SLC24A2: variants seen among roughly 807,000 people sequenced by gnomAD.
SLC24A2 encodes the protein sodium/potassium/calcium exchanger 2.
In SLC24A2, 36 loss-of-function variants were observed where a neutral mutation model predicts 62.0. That is an observed-to-expected ratio of 0.58 (90% CI 0.44 to 0.77). SLC24A2 has a LOEUF of 0.77. Ranked by LOEUF, SLC24A2 falls within the 30% of genes least tolerant of loss-of-function variation. The probability of loss-of-function intolerance (pLI) is 0.00; values close to 1 mark genes in which losing one functional copy is unlikely to be tolerated. For missense variants in SLC24A2, 846 were observed against 817.9 expected (o/e 1.03, Z -0.42); for synonymous variants, 358 against 294.0 (o/e 1.22, Z -2.23).
chr9:20,072,780 A>G, the SLC24A2 span, among the ~76,000 whole-genome samples: 178 of 152,222 alleles, frequency 1.2e-3, 2 homozygotes, highest in East Asian at 0.017. Context: ...AAGCCAAGGA[A>G]TACAAGAAGC....
At chr9:20,257,841 G>A in the SLC24A2 span, among the ~76,000 whole-genome samples, 1,522 of 152,262 alleles carry the variant, frequency 1.0e-2, 22 homozygotes, top group African/African-American at 0.033. Context: ...TCTAAAACGA[G>A]TGGGCTCACT....
intron 2 of SLC24A2, among the ~76,000 whole-genome samples, chr9:19,770,313 C>A (rs549049826): frequency 6.6e-6 from 1 of 151,982 alleles, no homozygotes; most frequent in East Asian, 2.0e-4. Context: ...TCTGGATTAA[C>A]GGAAGTTTAT....
the SLC24A2 span, among the ~76,000 whole-genome samples, chr9:20,108,782 G>C: frequency 6.6e-6 from 1 of 151,906 alleles, no homozygotes; most frequent in African/African-American, 2.4e-5. Flanking sequence ...ACACCAGCAT[G>C]GCACAAGTAT....
chr9:19,904,733 T>A, the SLC24A2 span, among the ~76,000 whole-genome samples: 1 of 152,206 alleles, frequency 6.6e-6, no homozygotes, highest in Non-Finnish European at 1.5e-5. Flanking sequence ...TATTTTATAG[T>A]CTCTTGGGCA....
At chr9:20,075,919 G>C in the SLC24A2 span, among the ~76,000 whole-genome samples, 1 of 152,078 alleles carries the variant, frequency 6.6e-6, no homozygotes. Flanking sequence ...ATATAAAATG[G>C]TGTCGTATTT....
At chr9:19,550,647 G>C (rs1052095181) in intron 7 of SLC24A2, among the ~76,000 whole-genome samples, 1 of 151,626 alleles carries the variant, frequency 6.6e-6, no homozygotes, top group Admixed American at 6.6e-5. Context: ...TGAAGACAGA[G>C]TCACAAGCTT....
the SLC24A2 span, among the ~76,000 whole-genome samples, chr9:19,813,126 G>C: frequency 6.6e-6 from 1 of 152,008 alleles, no homozygotes; most frequent in Non-Finnish European, 1.5e-5. Context: ...TTTGGCCCAG[G>C]ATATTTCTAA....
the SLC24A2 span, among the ~76,000 whole-genome samples, chr9:19,897,159 T>G: frequency 2.0e-5 from 3 of 152,208 alleles, no homozygotes; most frequent in Non-Finnish European, 4.4e-5. Flanking sequence ...TTGGTAGAAC[T>G]CTTCAAAGTT....
At chr9:19,978,752 A>G in the SLC24A2 span, among the ~76,000 whole-genome samples, 37,439 of 152,008 alleles carry the variant, frequency 0.25, 5,311 homozygotes, top group South Asian at 0.4. Flanking sequence ...GGCAGAATTG[A>G]GGTGATTGAA....
At chr9:19,850,925 A>G in the SLC24A2 span, among the ~76,000 whole-genome samples, 1 of 121,182 alleles carries the variant, frequency 8.3e-6, no homozygotes, top group African/African-American at 3.1e-5. Context: ...ACAAGTACTC[A>G]TGTGGGCATA....
the SLC24A2 span, among the ~76,000 whole-genome samples, chr9:20,285,352 A>G: frequency 2.0e-5 from 3 of 152,246 alleles, no homozygotes; most frequent in South Asian, 6.2e-4. Flanking sequence ...TTGGCAAGAC[A>G]TTGATATGCA....
the SLC24A2 span, among the ~76,000 whole-genome samples, chr9:20,231,693 G>T: frequency 6.6e-6 from 1 of 152,162 alleles, no homozygotes; most frequent in East Asian, 1.9e-4. Context: ...GGGACAATTT[G>T]ACTTCCTCTT....
chr9:19,798,637 T>C, the SLC24A2 span, among the ~76,000 whole-genome samples: 1 of 149,838 alleles, frequency 6.7e-6, no homozygotes, highest in Non-Finnish European at 1.5e-5. Flanking sequence ...CCCCTGGAAA[T>C]TGCAGATACT....
At chr9:19,648,676 G>A (rs549306513) in intron 2 of SLC24A2, among the ~76,000 whole-genome samples, 7 of 152,144 alleles carry the variant, frequency 4.6e-5, no homozygotes, top group African/African-American at 7.2e-5. Context: ...AGGAGGAACC[G>A]AGGTAAACAC....
intron 8 of SLC24A2, among the ~76,000 whole-genome samples, chr9:19,543,675 A>T (rs770245436): frequency 7.9e-5 from 12 of 151,962 alleles, no homozygotes; most frequent in African/African-American, 2.9e-4. Context: ...TTCTGCCTTC[A>T]TTTCGTTTTT....
the SLC24A2 span, among the ~76,000 whole-genome samples, chr9:20,118,113 C>A: frequency 1.4e-4 from 21 of 152,070 alleles, no homozygotes; most frequent in Non-Finnish European, 2.8e-4. Context: ...CCTTCTGAAC[C>A]CAAGAGTTTA....
chr9:20,131,160 C>T, the SLC24A2 span, among the ~76,000 whole-genome samples: 2 of 152,092 alleles, frequency 1.3e-5, no homozygotes, highest in African/African-American at 4.8e-5. Flanking sequence ...GCAATACGCG[C>T]CCTGTGCACA....
At chr9:20,083,417 T>C in the SLC24A2 span, among the ~76,000 whole-genome samples, 65 of 152,028 alleles carry the variant, frequency 4.3e-4, no homozygotes, top group Non-Finnish European at 7.4e-4. Flanking sequence ...TGAAAAAAGG[T>C]GGAAATAAGT....
chr9:20,026,970 T>C, the SLC24A2 span, among the ~76,000 whole-genome samples: 1 of 152,042 alleles, frequency 6.6e-6, no homozygotes. Flanking sequence ...CAAACAACTA[T>C]ATAGTAGAAA....
Sources: allele counts gnomAD v4.1 joint callset (sites outside exome capture counted in the v4.1 genomes callset), GRCh38; gene constraint gnomAD v4.1.1; transcripts MANE v1.5; gene names NCBI Gene and HGNC (gene_info 2026-07-23, HGNC 2026-07-21).